C12orf42: variants seen among roughly 807,000 people sequenced by gnomAD.
C12orf42 encodes chromosome 12 open reading frame 42, also known as uncharacterized protein C12orf42.
C12orf42 carries 25 observed loss-of-function variants against 21.6 expected under a neutral mutation model. That is an observed-to-expected ratio of 1.16 (90% CI 0.84 to 1.62). The LOEUF is 1.62. C12orf42 is among the 40% of genes most tolerant of loss of function. C12orf42 has a pLI of 0.00. For synonymous variants in C12orf42, 174 were observed against 175.0 expected (o/e 0.99, Z 0.05); for missense variants, 483 against 459.3 (o/e 1.05, Z -0.47).
chr12:103,071,314 AC>A, the C12orf42 span, among the ~76,000 whole-genome samples: 1 of 152,002 alleles, frequency 6.6e-6, no homozygotes, highest in South Asian at 2.1e-4. Context: ...AGGCTGAAAA[AC>A]CCCTTAAAGA....
intron 2 of C12orf42, among the ~76,000 whole-genome samples, chr12:103,435,732 C>G (rs1228605161): frequency 6.6e-6 from 1 of 151,804 alleles, no homozygotes; most frequent in South Asian, 2.1e-4. Flanking sequence ...GCAAAGCCTC[C>G]AAGAAATATG....
the C12orf42 span, among the ~76,000 whole-genome samples, chr12:103,106,313 G>A: frequency 0.023 from 3,529 of 152,056 alleles, 62 homozygotes; most frequent in Middle Eastern, 0.062. Context: ...ACTAAATGAT[G>A]TGCTTGACTA....
chr12:103,312,207 C>A (rs1026235029), intron 4 of C12orf42, among the ~76,000 whole-genome samples: 5 of 152,166 alleles, frequency 3.3e-5, no homozygotes, highest in African/African-American at 1.2e-4. Context: ...AGTGAAGAAG[C>A]TGAGTTTAGG....
intron 10 of C12orf42, chr12:103,262,351 T>A (rs2034939057): frequency 6.6e-6 from 1 of 152,236 alleles, no homozygotes; most frequent in Non-Finnish European, 1.5e-5. Flanking sequence ...TTTCAAAGGA[T>A]GTGTAATTAT....
intron 4 of C12orf42, among the ~76,000 whole-genome samples, chr12:103,354,570 T>C (rs765874832): frequency 1.3e-5 from 2 of 152,174 alleles, no homozygotes; most frequent in Non-Finnish European, 2.9e-5. Context: ...ATTTTTCCTA[T>C]AGCTGCCTCC....
chr12:103,306,060 G>T lies in C12orf42; in HGVS notation c.545C>A (p.Pro182His). 1 of 1,613,954 alleles carries T rather than the reference G, an allele frequency of 6.2e-7. No homozygotes were observed. The highest frequency in any genetic ancestry group is 8.5e-7 in the Non-Finnish European group (1 of 1,179,852). ...TATGCCCTGAGCCTCCAGGTGAACA[G>T]GATTTACTGAGTGTGCCCAGTTAGG... ...KKPNWAHSVNPVHLEAQGIHI... is the reference protein window; with the variant it reads ...KKPNWAHSVNHVHLEAQGIHI... The change falls in exon 5 of 6, where the codon CCT (proline) becomes CAT (histidine). Residue 182 changes from proline to histidine, a missense_variant. Coordinates refer to ENST00000548883, the MANE Select transcript of C12orf42 (RefSeq NM_198521.5).
At chr12:103,100,898 G>A in the C12orf42 span, among the ~76,000 whole-genome samples, 1 of 152,150 alleles carries the variant, frequency 6.6e-6, no homozygotes, top group Non-Finnish European at 1.5e-5. Flanking sequence ...TGGATGACTA[G>A]GAGTACCTCC....
chr12:103,242,489 T>C (rs1437387173), intron 10 of C12orf42, among the ~76,000 whole-genome samples: 1 of 152,148 alleles, frequency 6.6e-6, no homozygotes, highest in Non-Finnish European at 1.5e-5. Context: ...TTGTTTTTAA[T>C]ACTTCACCCT....
At chr12:103,058,905 A>G in the C12orf42 span, among the ~76,000 whole-genome samples, 28 of 152,310 alleles carry the variant, frequency 1.8e-4, 1 homozygote, top group African/African-American at 6.7e-4. Context: ...ACACCCTAAC[A>G]TCACAATTAA....
chr12:103,113,443 C>T, the C12orf42 span, among the ~76,000 whole-genome samples: 1 of 151,714 alleles, frequency 6.6e-6, no homozygotes, highest in Admixed American at 6.6e-5. Flanking sequence ...ACCCAAATAT[C>T]TTGCATGCAA....
chr12:103,102,999 G>T, the C12orf42 span, among the ~76,000 whole-genome samples: 1 of 152,104 alleles, frequency 6.6e-6, no homozygotes, highest in Non-Finnish European at 1.5e-5. Flanking sequence ...CCATACACAT[G>T]AGAGTTTATT....
At chr12:103,158,332 A>G in the C12orf42 span, among the ~76,000 whole-genome samples, 1 of 152,078 alleles carries the variant, frequency 6.6e-6, no homozygotes, top group Admixed American at 6.5e-5. Context: ...TCTGTTTCTC[A>G]CAAAAATGCC....
At chr12:103,064,627 G>A in the C12orf42 span, among the ~76,000 whole-genome samples, 1 of 152,230 alleles carries the variant, frequency 6.6e-6, no homozygotes, top group Non-Finnish European at 1.5e-5. Context: ...TTGAAGGAAG[G>A]GGAGGCCGGG....
At chr12:103,315,765 G>A (rs181067278) in intron 4 of C12orf42, among the ~76,000 whole-genome samples, 21 of 152,100 alleles carry the variant, frequency 1.4e-4, no homozygotes, top group Admixed American at 3.9e-4. Flanking sequence ...GAAGAATGAC[G>A]ATAACAATTA....
chr12:103,376,742 T>C (rs1389094518), intron 3 of C12orf42, among the ~76,000 whole-genome samples: 1 of 152,176 alleles, frequency 6.6e-6, no homozygotes, highest in Admixed American at 6.5e-5. Flanking sequence ...GAAATAACAT[T>C]ATAACAAAGT....
chr12:103,216,270 G>T, the C12orf42 span, among the ~76,000 whole-genome samples: 1 of 152,118 alleles, frequency 6.6e-6, no homozygotes, highest in Non-Finnish European at 1.5e-5. Flanking sequence ...TTGCAGGTTT[G>T]GGGTCAGATG....
At chr12:103,356,976 A>T (rs1566142890) in intron 4 of C12orf42, among the ~76,000 whole-genome samples, 1 of 152,034 alleles carries the variant, frequency 6.6e-6, no homozygotes, top group African/African-American at 2.4e-5. Context: ...ATAAAAAATG[A>T]TGAGTTCATG....
intron 3 of C12orf42, among the ~76,000 whole-genome samples, chr12:103,373,483 T>C (rs918258152): frequency 2.6e-5 from 4 of 152,216 alleles, no homozygotes; most frequent in African/African-American, 4.8e-5. Context: ...ACTGTGGTTT[T>C]CTTGCTTGGT....
chr12:103,526,896 A>G, the C12orf42 span, among the ~76,000 whole-genome samples: 1 of 152,212 alleles, frequency 6.6e-6, no homozygotes, highest in Non-Finnish European at 1.5e-5. Flanking sequence ...GCCTGAGCAG[A>G]CTAGTACACT....
Sources: gnomAD v4.1 joint callset for allele counts (sites outside exome capture counted in the v4.1 genomes callset) on GRCh38, gnomAD v4.1.1 for gene constraint, MANE v1.5 for transcripts, NCBI Gene and HGNC (gene_info 2026-07-23, HGNC 2026-07-21) for gene names.